Variants in ZFAT observed in about 807,000 individuals in gnomAD.
ZFAT encodes zinc finger protein ZFAT.
A neutral mutation model predicts 117.7 loss-of-function variants in ZFAT; 64 were observed. That is an observed-to-expected ratio of 0.54 (90% CI 0.44 to 0.67). ZFAT has a LOEUF of 0.67. Among genes scored for constraint, ZFAT ranks in the 30% least tolerant of loss-of-function variants. The probability of loss-of-function intolerance (pLI) is 0.00; values close to 1 mark genes in which losing one functional copy is unlikely to be tolerated. For synonymous variants in ZFAT, 679 were observed against 615.0 expected (o/e 1.10, Z -1.54); for missense variants, 1,433 against 1,584.5 (o/e 0.90, Z 1.62).
chr8:134,576,173 T>C (rs962527715), intron 10 of ZFAT, among the ~76,000 whole-genome samples: 1 of 152,202 alleles, frequency 6.6e-6, no homozygotes, highest in Admixed American at 6.5e-5. Flanking sequence ...CAAGCCTCAT[T>C]AAAAAGTTAA....
chr8:134,677,478 G>A (rs555637132), intron 1 of ZFAT, among the ~76,000 whole-genome samples: 1 of 152,208 alleles, frequency 6.6e-6, no homozygotes, highest in South Asian at 2.1e-4. Context: ...AAAAGTCCAG[G>A]ACCAGATGGA....
At chr8:134,812,140 G>A in the ZFAT span, among the ~76,000 whole-genome samples, 1 of 151,974 alleles carries the variant, frequency 6.6e-6, no homozygotes, top group African/African-American at 2.4e-5. Context: ...GCAAGACTCT[G>A]TATCAATAAA....
At position 134,602,902 on chromosome 8, in the gene ZFAT, A is replaced by G. The variant is rs1827621102; in HGVS notation, c.817T>C (p.Cys273Arg). The change falls in exon 6 of 16, where the codon TGT (cysteine) becomes CGT (arginine). Residue 273 changes from cysteine (C) to arginine (R), a missense_variant. Cys to Arg is a radical substitution (Grantham distance 180, BLOSUM62 -3). Transcript: ENST00000377838. The stretch of plus-strand genomic sequence containing the variant: ...TTGAAGACCTTGTTGCAGTATTCAC[A>G]AGTGAAGATTTTGAGCTGAGTGGGA... ...LGPTQLKIFT[C>R]EYCNKVFKFK... The G allele has an allele frequency of 6.2e-7, 1 of 1,612,920 alleles. No individual in the cohort carries two copies. Among genetic ancestry groups the G allele is most frequent in the Non-Finnish European group, 8.5e-7 (1 of 1,179,420 alleles).
chr8:134,822,967 A>AG, the ZFAT span, among the ~76,000 whole-genome samples: 1 of 152,164 alleles, frequency 6.6e-6, no homozygotes, highest in African/African-American at 2.4e-5. Context: ...GGGGAAAAAA[A>AG]GGGGAACATC....
intron 15 of ZFAT, among the ~76,000 whole-genome samples, chr8:134,506,691 A>G (rs1819437732): frequency 1.3e-5 from 2 of 152,348 alleles, no homozygotes; most frequent in East Asian, 3.9e-4. Context: ...TAACATTAAC[A>G]AGTCATGAAA....
At chr8:134,829,277 A>G in the ZFAT span, among the ~76,000 whole-genome samples, 2 of 152,344 alleles carry the variant, frequency 1.3e-5, no homozygotes, top group East Asian at 3.9e-4. Flanking sequence ...TTTTAAGCTC[A>G]TTAGTTATTG....
intron 10 of ZFAT, among the ~76,000 whole-genome samples, chr8:134,565,983 C>T (rs1395596062): frequency 6.6e-6 from 1 of 151,982 alleles, no homozygotes; most frequent in African/African-American, 2.4e-5. Context: ...AGGATGATGG[C>T]CAGCAAAGTG....
At chr8:134,761,223 G>T in the ZFAT span, among the ~76,000 whole-genome samples, 1 of 152,098 alleles carries the variant, frequency 6.6e-6, no homozygotes, top group African/African-American at 2.4e-5. Context: ...ACTGCATGAG[G>T]CACTGAGGAT....
chr8:134,565,255 A>T (rs1824353611), intron 11 of ZFAT, 78 bp downstream of exon 11: 1 of 1,601,418 alleles, frequency 6.2e-7, no homozygotes, highest in Admixed American at 1.7e-5. Flanking sequence ...CAATGAAAGA[A>T]TGCTCTCTCC....
At chr8:134,642,284 G>A (rs1183458516) in intron 2 of ZFAT, among the ~76,000 whole-genome samples, 1 of 152,160 alleles carries the variant, frequency 6.6e-6, no homozygotes, top group Non-Finnish European at 1.5e-5. Context: ...CTTTAATAGA[G>A]ACAATCTGTG....
chr8:134,492,349 C>G (rs936130658), intron 15 of ZFAT, among the ~76,000 whole-genome samples: 1 of 152,218 alleles, frequency 6.6e-6, no homozygotes. Context: ...TTCATTATTT[C>G]CTCCCAAATG....
chr8:134,561,419 G>T (rs563027709), intron 11 of ZFAT, among the ~76,000 whole-genome samples: 2 of 151,852 alleles, frequency 1.3e-5, no homozygotes, highest in African/African-American at 2.4e-5. Flanking sequence ...CCTAGGCACC[G>T]ATTTCCATCA....
At chr8:134,680,850 T>G (rs1052884815) in intron 1 of ZFAT, among the ~76,000 whole-genome samples, 1 of 152,234 alleles carries the variant, frequency 6.6e-6, no homozygotes, top group African/African-American at 2.4e-5. Flanking sequence ...ATATTTTATA[T>G]TTATTTTAAA....
chr8:134,519,002 C>T (rs776030265), intron 13 of ZFAT, among the ~76,000 whole-genome samples: 1 of 152,038 alleles, frequency 6.6e-6, no homozygotes, highest in Non-Finnish European at 1.5e-5. Context: ...TCCATTAAAC[C>T]ATCTGTTCAT....
the ZFAT span, among the ~76,000 whole-genome samples, chr8:134,829,381 T>C: frequency 6.6e-6 from 1 of 152,230 alleles, no homozygotes; most frequent in African/African-American, 2.4e-5. Flanking sequence ...TTAAATGATA[T>C]GGGATAAATC....
chr8:134,738,435 G>A, the ZFAT span, among the ~76,000 whole-genome samples: 81 of 152,298 alleles, frequency 5.3e-4, no homozygotes, highest in African/African-American at 1.8e-3. Context: ...CTTTTCATTT[G>A]ATTATTAATC....
At chr8:134,559,233 A>T (rs1245222960) in intron 11 of ZFAT, among the ~76,000 whole-genome samples, 1 of 152,222 alleles carries the variant, frequency 6.6e-6, no homozygotes, top group East Asian at 1.9e-4. Context: ...ACCCACCTGC[A>T]ACAGGTTATG....
Position 134,636,470 on chromosome 8 carries a change from T to A in ZFAT, c.448+991A>T, listed in dbSNP as rs78286317. On this transcript the variant is annotated intron_variant, in intron 3 of 15. Coordinates refer to ENST00000377838, the MANE Select transcript of ZFAT (RefSeq NM_020863.4). ...TCTTACTTAATTGTCAAAGCAACCATAGGAGACAGGACTGCTTTTATTCCA... is the reference window on the plus strand; with the variant it reads ...TCTTACTTAATTGTCAAAGCAACCAAAGGAGACAGGACTGCTTTTATTCCA... Among the ~76,000 whole-genome samples, 1,213 of 152,288 alleles carry A rather than the reference T, an allele frequency of 8.0e-3. 9 individuals carry two copies. The highest frequency in any genetic ancestry group is 0.024 in the African/African-American group (995 of 41,544).
At chr8:134,699,794 G>A (rs909976112) in intron 1 of ZFAT, among the ~76,000 whole-genome samples, 3 of 152,358 alleles carry the variant, frequency 2.0e-5, no homozygotes, top group African/African-American at 4.8e-5. Flanking sequence ...ACTGGGACAC[G>A]GTGGAAGCTA....
Sources: allele counts gnomAD v4.1 joint callset (sites outside exome capture counted in the v4.1 genomes callset), GRCh38; gene constraint gnomAD v4.1.1; transcripts MANE v1.5; gene names NCBI Gene and HGNC (gene_info 2026-07-23, HGNC 2026-07-21).